PCDHGA5: variants seen among roughly 807,000 people sequenced by gnomAD.
The protein encoded by PCDHGA5 is protocadherin gamma-A5.
Under a neutral mutation model 56.7 loss-of-function variants are expected in PCDHGA5, and 36 were observed. The observed-to-expected ratio is 0.64, with a 90% CI of 0.49 to 0.84. PCDHGA5 has a LOEUF of 0.84. PCDHGA5 is among the 40% of genes least tolerant of loss of function. PCDHGA5 has a pLI of 0.00. For synonymous variants in PCDHGA5, 563 were observed against 520.2 expected, an observed-to-expected ratio of 1.08 and a Z score of -1.12; for missense variants, 1,305 against 1,201.5, an observed-to-expected ratio of 1.09 and a Z score of -1.27.
rs1416883218 is a variant in PCDHGA5, at chr5:141,428,027, G to A, written c.2421+61276G>A. On this transcript the variant is annotated intron_variant, in intron 1 of 3. Coordinates refer to ENST00000518069, the MANE Select transcript of PCDHGA5 (RefSeq NM_018918.3). ...TCGATATAGTGCCACGCGCCGCAGAGTCCGGCTACCTGGTGACCAAGGTGG... is the reference window on the plus strand; with the variant it reads ...TCGATATAGTGCCACGCGCCGCAGAATCCGGCTACCTGGTGACCAAGGTGG... 1.9e-6 allele frequency: 3 copies of A among 1,606,742 alleles called. No homozygotes were observed. The Admixed American group carries it at 5.0e-5, about 27-fold the overall frequency.
intron 2 of PCDHGA5, among the ~76,000 whole-genome samples, chr5:141,501,983 C>G (rs957901405): frequency 6.6e-6 from 1 of 152,068 alleles, no homozygotes; most frequent in Non-Finnish European, 1.5e-5. Flanking sequence ...CATCTGGTCC[C>G]GTTGTCTCCC....
At chr5:141,414,919 G>A (rs2095801962) in intron 1 of PCDHGA5, 2 of 1,614,050 alleles carry the variant, frequency 1.2e-6, no homozygotes, top group African/African-American at 2.7e-5. Context: ...CGTGGAGCTG[G>A]CGCCCCGCTC....
rs765818637 is a variant in PCDHGA5 at position 141,409,918 on chromosome 5, C to T, written c.2421+43167C>T. ...ACCCAGCTCTGGGTCCTGACGGCTC[C>T]GCGTTCTTCGATATGGTACCTCGCT... On this transcript the variant is annotated intron_variant, in intron 1 of 3. Coordinates refer to ENST00000518069, the MANE Select transcript of PCDHGA5 (RefSeq NM_018918.3). 1.9e-6 allele frequency: 3 copies of T among 1,613,222 alleles called. No individual in the cohort carries two copies. In the African/African-American group the frequency reaches 4.0e-5, roughly 22 times the overall value.
chr5:141,389,840 C>T (rs2150401266), intron 1 of PCDHGA5: 2 of 1,614,048 alleles, frequency 1.2e-6, no homozygotes, highest in Non-Finnish European at 8.5e-7. Context: ...AGCCACCACT[C>T]TCGGCCACTG....
chr5:141,454,097 C>T (rs1021353610), intron 1 of PCDHGA5, among the ~76,000 whole-genome samples: 10 of 152,292 alleles, frequency 6.6e-5, no homozygotes, highest in Middle Eastern at 3.4e-3. Flanking sequence ...TTGAATTGAA[C>T]ATAAATGGAG....
At chr5:141,435,024 C>T (rs1263332887) in intron 1 of PCDHGA5, among the ~76,000 whole-genome samples, 3 of 151,970 alleles carry the variant, frequency 2.0e-5, no homozygotes, top group Non-Finnish European at 4.4e-5. Context: ...ATGCTCTTTT[C>T]CCACTTTTAT....
chr5:141,415,744 T>TTTTTG, intron 1 of PCDHGA5: 1 of 404,416 alleles, frequency 2.5e-6, no homozygotes, highest in Non-Finnish European at 3.0e-6. Context: ...ATTAAGGTTT[T>TTTTTG]TTTTTTTTTT....
At chr5:141,388,798 TA>T in intron 1 of PCDHGA5, 3 of 1,613,888 alleles carry the variant, frequency 1.9e-6, no homozygotes, top group Non-Finnish European at 2.5e-6. Flanking sequence ...TTAAATACAT[TA>T]GATTTTGAAG....
At chr5:141,494,099 C>T (rs976610819) in intron 1 of PCDHGA5, among the ~76,000 whole-genome samples, 3 of 152,172 alleles carry the variant, frequency 2.0e-5, no homozygotes, top group South Asian at 2.1e-4. Context: ...CATTTTTCTC[C>T]GTCTCAGACA....
At chr5:141,451,557 G>T (rs192150041) in intron 1 of PCDHGA5, among the ~76,000 whole-genome samples, 2 of 152,234 alleles carry the variant, frequency 1.3e-5, no homozygotes, top group East Asian at 3.9e-4. Context: ...TGTGATGAAA[G>T]CCACAATCTT....
At chr5:141,427,901 G>C (rs2097088177) in intron 1 of PCDHGA5, 6 of 1,572,234 alleles carry the variant, frequency 3.8e-6, no homozygotes, top group East Asian at 2.2e-5. Flanking sequence ...GCTCGCCCGC[G>C]CTCAGCGCCA....
chr5:141,419,638 C>G, intron 1 of PCDHGA5: 1 of 1,612,456 alleles, frequency 6.2e-7, no homozygotes, highest in Non-Finnish European at 8.5e-7. Context: ...AGGTGGTGGC[C>G]GTGGACGCGG....
chr5:141,500,216 ATT>A (rs1562194139), intron 2 of PCDHGA5, among the ~76,000 whole-genome samples: 8 of 149,244 alleles, frequency 5.4e-5, no homozygotes, highest in African/African-American at 2.0e-4. Flanking sequence ...TTATTTATTT[ATT>A]TATTTATTGA....
chr5:141,392,962 A>G, intron 1 of PCDHGA5: 1 of 1,613,902 alleles, frequency 6.2e-7, no homozygotes, highest in Admixed American at 1.7e-5. Context: ...AATATCTCCA[A>G]GGACCTGGGG....
At position 141,491,942 on chromosome 5, in the gene PCDHGA5, C is replaced by T. The variant is rs932715298; in HGVS notation, c.2422-2865C>T. 6.4e-5 allele frequency: 72 copies of T among 1,122,376 alleles called. No individual in the cohort carries two copies. Among genetic ancestry groups the T allele is most frequent in the Admixed American group, 3.5e-5 (1 of 28,738 alleles). 69.5% of individuals were successfully genotyped at this position (1,122,376 alleles called of 1,614,324 possible). A position where few individuals can be genotyped will look rare whatever the true frequency, so the allele number is the denominator to read the frequency against. ...GGCGAGGGGAGGTGGGACCGACCCC[C>T]ACCCCTACACTCAAAAAAGGCCGGG... is the stretch of plus-strand genomic sequence containing the variant. On this transcript the variant is annotated intron_variant, in intron 1 of 3. Transcript: ENST00000518069. The surrounding 1 kb of genome is among the most constrained non-coding windows in gnomAD (Gnocchi z 6.9).
chr5:141,476,926 T>G lies in PCDHGA5; in HGVS notation c.2422-17881T>G, dbSNP rs779017502. ...GCGTGGTACAAGTCCTTGCAACGGA[T>G]CTGGATGAAGGCCCCAACGGTGAAA... is the stretch of plus-strand genomic sequence containing the variant. On this transcript the variant is annotated intron_variant, in intron 1 of 3. Coordinates refer to ENST00000518069, the MANE Select transcript of PCDHGA5 (RefSeq NM_018918.3). The surrounding 1 kb of genome is among the most constrained non-coding windows in gnomAD (Gnocchi z 7.6). 1 of 1,614,072 alleles carries G rather than the reference T, an allele frequency of 6.2e-7. No homozygotes were observed. The highest frequency in any genetic ancestry group is 1.1e-5 in the South Asian group (1 of 91,092).
At position 141,430,558 on chromosome 5, in the gene PCDHGA5, G is replaced by A. The variant is rs1472516429; in HGVS notation, c.2421+63807G>A. 2.2e-5 allele frequency: 9 copies of A among 417,488 alleles called. No homozygotes were observed. In the East Asian group the frequency reaches 3.3e-4, roughly 15 times the overall value. The allele number at this position is 417,488 out of a possible 1,614,324, so 25.9% of individuals were successfully genotyped here. On this transcript the variant is annotated intron_variant, in intron 1 of 3. Transcript: ENST00000518069. ...TCTGAGCGCCGCTGTTCACCAATCGGGGAGAGAAAAGCGGAGATCCTGCTC... is the reference window on the plus strand; with the variant it reads ...TCTGAGCGCCGCTGTTCACCAATCGAGGAGAGAAAAGCGGAGATCCTGCTC...
In PCDHGA5 at chr5:141,371,282, T is replaced by G. The variant is rs201701201; in HGVS notation, c.2421+4531T>G. On this transcript the variant is annotated intron_variant, in intron 1 of 3. Coordinates refer to ENST00000518069, the MANE Select transcript of PCDHGA5 (RefSeq NM_018918.3). ...TGAGACAACTGTTCAAGCTGGACAG[T>G]AAAACGGGGGAACTCACCACTATTG... 2.0e-4 allele frequency: 326 copies of G among 1,613,828 alleles called. 2 individuals are homozygous for G. The highest frequency in any genetic ancestry group is 4.9e-4 in the Middle Eastern group (3 of 6,084).
intron 2 of PCDHGA5, among the ~76,000 whole-genome samples, chr5:141,500,666 G>A (rs567881941): frequency 3.6e-4 from 55 of 152,250 alleles, no homozygotes; most frequent in African/African-American, 1.3e-3. Context: ...AGGCCATACT[G>A]TCCAACAGAA....
Sources: allele counts gnomAD v4.1 joint callset (sites outside exome capture counted in the v4.1 genomes callset), GRCh38; gene constraint gnomAD v4.1.1; non-coding constraint Gnocchi (gnomAD v3.1); transcripts MANE v1.5; gene names NCBI Gene and HGNC (gene_info 2026-07-23, HGNC 2026-07-21).